The following OPCML variants were observed in gnomAD, a reference collection of about 807,000 sequenced individuals.
The protein encoded by OPCML is opioid-binding protein/cell adhesion molecule.
Under a neutral mutation model 37.8 loss-of-function variants are expected in OPCML, and 13 were observed. The observed-to-expected ratio is 0.34, with a 90% CI of 0.22 to 0.55. OPCML has a LOEUF of 0.55. Ranked by LOEUF, OPCML falls within the 20% of genes least tolerant of loss-of-function variation. The pLI, the probability that OPCML is intolerant of heterozygous loss-of-function variation, is 0.91. For synonymous variants in OPCML, 176 were observed against 168.8 expected (o/e 1.04, Z -0.33); for missense variants, 341 against 435.6 (o/e 0.78, Z 1.93).
At chr11:132,755,711 C>CTA (rs1344747816) in intron 2 of OPCML, among the ~76,000 whole-genome samples, 2 of 152,164 alleles carry the variant, frequency 1.3e-5, no homozygotes, top group African/African-American at 2.4e-5. Flanking sequence ...ACTTGCTTTG[C>CTA]TATAGCTCAC....
chr11:132,750,148 A>T (rs1945783971), intron 2 of OPCML, among the ~76,000 whole-genome samples: 1 of 152,210 alleles, frequency 6.6e-6, no homozygotes, highest in Non-Finnish European at 1.5e-5. Flanking sequence ...CAGCCTAACC[A>T]TTGAATGTAT....
intron 2 of OPCML, among the ~76,000 whole-genome samples, chr11:132,886,837 C>T (rs775371326): frequency 1.4e-4 from 21 of 152,204 alleles, no homozygotes; most frequent in Non-Finnish European, 2.6e-4. Flanking sequence ...CCTCTGTCCT[C>T]TGACCTTGAG....
intron 3 of OPCML, among the ~76,000 whole-genome samples, chr11:132,599,326 A>T (rs35367692): frequency 6.9e-6 from 1 of 144,560 alleles, no homozygotes; most frequent in Non-Finnish European, 1.5e-5. Context: ...GGAGGAGGAG[A>T]AGAAGGAGGA....
At chr11:133,338,360 T>C (rs772513522) in intron 1 of OPCML, among the ~76,000 whole-genome samples, 1 of 152,106 alleles carries the variant, frequency 6.6e-6, no homozygotes, top group Non-Finnish European at 1.5e-5. Context: ...CCATATTGAC[T>C]GGGGCGGGGT....
chr11:132,950,991 A>G (rs1334074452), intron 1 of OPCML, among the ~76,000 whole-genome samples: 1 of 152,160 alleles, frequency 6.6e-6, no homozygotes, highest in African/African-American at 2.4e-5. Flanking sequence ...CCCTGCTGTG[A>G]TCACCTGCTG....
At chr11:132,883,721 T>C (rs569713695) in intron 2 of OPCML, among the ~76,000 whole-genome samples, 1 of 152,322 alleles carries the variant, frequency 6.6e-6, no homozygotes, top group African/African-American at 2.4e-5. Context: ...AGTATTTACC[T>C]ATCAAGTTTA....
intron 1 of OPCML, among the ~76,000 whole-genome samples, chr11:133,028,816 A>G (rs746544151): frequency 6.6e-6 from 1 of 152,026 alleles, no homozygotes; most frequent in African/African-American, 2.4e-5. Context: ...ATTTATGACT[A>G]TGTCCTCAAA....
chr11:133,201,994 C>T (rs1224748071), intron 1 of OPCML, among the ~76,000 whole-genome samples: 2 of 152,100 alleles, frequency 1.3e-5, no homozygotes, highest in African/African-American at 4.8e-5. Context: ...ACAAAGCCTC[C>T]AAGCCTTAAT....
chr11:132,589,581 T>C (rs1237083036), intron 3 of OPCML, among the ~76,000 whole-genome samples: 1 of 152,204 alleles, frequency 6.6e-6, no homozygotes, highest in Non-Finnish European at 1.5e-5. Context: ...GACTAGGTGA[T>C]CAGAGAAGGC....
At chr11:132,533,954 A>G (rs757063394) in intron 3 of OPCML, among the ~76,000 whole-genome samples, 7 of 152,154 alleles carry the variant, frequency 4.6e-5, no homozygotes, top group Admixed American at 4.6e-4. Context: ...GTATCCTCAC[A>G]TTCCTATTAT....
chr11:133,413,715 C>G (rs1174576004), intron 1 of OPCML, among the ~76,000 whole-genome samples: 2 of 152,120 alleles, frequency 1.3e-5, no homozygotes, highest in African/African-American at 2.4e-5. Context: ...AGCCTGGGGT[C>G]TTATCCAGGA....
intron 1 of OPCML, among the ~76,000 whole-genome samples, chr11:133,167,442 A>G (rs945893615): frequency 1.3e-5 from 2 of 151,988 alleles, no homozygotes; most frequent in Non-Finnish European, 2.9e-5. Context: ...GTTGCCTTCT[A>G]ATTTGGGCCA....
At chr11:132,992,721 G>A (rs528703245) in intron 1 of OPCML, among the ~76,000 whole-genome samples, 1 of 152,140 alleles carries the variant, frequency 6.6e-6, no homozygotes, top group Admixed American at 6.5e-5. Context: ...TGATTAAAGG[G>A]CAAAAATGAC....
At chr11:133,333,591 C>G (rs1356251323) in intron 1 of OPCML, among the ~76,000 whole-genome samples, 2 of 152,170 alleles carry the variant, frequency 1.3e-5, no homozygotes, top group African/African-American at 4.8e-5. Flanking sequence ...GCAAAGATTT[C>G]ATGATAAAGA....
At chr11:133,242,277 T>C (rs530060904) in intron 1 of OPCML, among the ~76,000 whole-genome samples, 1 of 152,226 alleles carries the variant, frequency 6.6e-6, no homozygotes, top group East Asian at 1.9e-4. Context: ...AGCGGCAAAG[T>C]GATATTCTAA....
chr11:132,436,330 C>T lies in OPCML; in HGVS notation c.765-93G>A, dbSNP rs1285322086. The T allele has an allele frequency of 1.0e-5, 16 of 1,603,822 alleles. No individual in the cohort carries two copies. In the Admixed American group the frequency reaches 1.5e-4, roughly 15 times the overall value. On this transcript the variant is annotated intron_variant, in intron 6 of 7. Coordinates refer to ENST00000524381, the MANE Select transcript of OPCML (RefSeq NM_001012393.5). ...TCTCCAACTAATCTCGTCCTTCAAA[C>T]TCAAACCCTAAGCACTTCAGTGTCC...
chr11:133,410,634 T>TAAAAAAAAAAAAAAAAAAAAAAAA (rs71038527), intron 1 of OPCML, among the ~76,000 whole-genome samples: 1 of 47,012 alleles, frequency 2.1e-5, no homozygotes, highest in Admixed American at 3.1e-4. Flanking sequence ...AGAAAAAAAG[T>TAAAAAAAAAAAAAAAAAAAAAAAA]AAAAAAAAAA....
chr11:133,096,542 G>A (rs1319133298), intron 1 of OPCML, among the ~76,000 whole-genome samples: 1 of 151,998 alleles, frequency 6.6e-6, no homozygotes, highest in Non-Finnish European at 1.5e-5. Context: ...CTGTCAATAA[G>A]CACTTTAACA....
intron 2 of OPCML, among the ~76,000 whole-genome samples, chr11:132,703,772 T>C (rs1273577064): frequency 6.6e-6 from 1 of 152,092 alleles, no homozygotes; most frequent in Non-Finnish European, 1.5e-5. Flanking sequence ...AGGCCTGAAA[T>C]CTGGGTCCAC....
Sources: gnomAD v4.1 joint callset for allele counts (sites outside exome capture counted in the v4.1 genomes callset) on GRCh38, gnomAD v4.1.1 for gene constraint, MANE v1.5 for transcripts, NCBI Gene and HGNC (gene_info 2026-07-23, HGNC 2026-07-21) for gene names.